The following KIF9 variants were observed in gnomAD, a reference collection of about 807,000 sequenced individuals.
KIF9 encodes kinesin-like protein KIF9.
In KIF9, 68 loss-of-function variants were observed where a neutral mutation model predicts 94.8. The ratio of observed to expected loss-of-function variants is 0.72; its 90% confidence interval spans 0.59 to 0.88. The LOEUF is 0.88. Among genes scored for constraint, KIF9 ranks in the 40% least tolerant of loss-of-function variants. The probability of loss-of-function intolerance (pLI) is 0.00; values close to 1 mark genes in which losing one functional copy is unlikely to be tolerated. For synonymous variants in KIF9, 343 were observed against 362.1 expected, an observed-to-expected ratio of 0.95 and a Z score of 0.60; for missense variants, 882 against 982.5, an observed-to-expected ratio of 0.90 and a Z score of 1.37.
At chr3:47,255,660 G>C (rs1700525548) in intron 10 of KIF9, among the ~76,000 whole-genome samples, 1 of 152,158 alleles carries the variant, frequency 6.6e-6, no homozygotes, top group East Asian at 1.9e-4. Flanking sequence ...GATTCTGCCA[G>C]TCTAGGGTAG....
intron 20 of KIF9, among the ~76,000 whole-genome samples, chr3:47,234,034 G>C (rs2107037465): frequency 1.3e-5 from 2 of 151,990 alleles, no homozygotes; most frequent in Middle Eastern, 3.4e-3. Flanking sequence ...AGTGAGGTGA[G>C]GACACGCCAT....
chr3:47,253,618 T>C (rs1428676180), intron 10 of KIF9, among the ~76,000 whole-genome samples: 1 of 152,096 alleles, frequency 6.6e-6, no homozygotes, highest in Non-Finnish European at 1.5e-5. Flanking sequence ...CACACATATA[T>C]CCATCAATGA....
At chr3:47,246,307 G>A in intron 12 of KIF9, 55 bp from the exon 13 acceptor site, 1 of 1,476,020 alleles carries the variant, frequency 6.8e-7, no homozygotes, top group Non-Finnish European at 9.4e-7. Flanking sequence ...GAGGGACCAG[G>A]GGGCATCTAT....
chr3:47,263,517 G>T, intron 9 of KIF9: 1 of 197,934 alleles, frequency 5.1e-6, no homozygotes, highest in Non-Finnish European at 1.0e-5. Context: ...TCTTCTTCTT[G>T]CTGAGAGCCC....
intron 9 of KIF9, among the ~76,000 whole-genome samples, chr3:47,259,712 A>G (rs1234619885): frequency 6.7e-6 from 1 of 148,896 alleles, no homozygotes; most frequent in African/African-American, 2.5e-5. Context: ...ACTCAGAGTT[A>G]AATGGATTAA....
At chr3:47,269,638 A>G (rs1004096322) in intron 5 of KIF9, among the ~76,000 whole-genome samples, 44 of 151,836 alleles carry the variant, frequency 2.9e-4, no homozygotes, top group African/African-American at 1.0e-3. Context: ...GTCTTACTCT[A>G]TTGCCCAGGC....
At chr3:47,249,449 C>T (rs1700132926) in intron 10 of KIF9, among the ~76,000 whole-genome samples, 1 of 152,066 alleles carries the variant, frequency 6.6e-6, no homozygotes, top group Non-Finnish European at 1.5e-5. Flanking sequence ...CCTGGCCTCA[C>T]CTCTAATTTT....
At chr3:47,282,249 T>A (rs1012140364) in intron 1 of KIF9, 26 of 985,556 alleles carry the variant, frequency 2.6e-5, no homozygotes, top group Non-Finnish European at 3.0e-5. Context: ...ACGGCCTCTA[T>A]GTCCTGGACG....
intron 5 of KIF9, among the ~76,000 whole-genome samples, chr3:47,268,249 T>C (rs1323497375): frequency 6.6e-6 from 1 of 152,214 alleles, no homozygotes; most frequent in Non-Finnish European, 1.5e-5. Flanking sequence ...AGAATATACT[T>C]AAAAAGGAAT....
intron 20 of KIF9, among the ~76,000 whole-genome samples, chr3:47,234,192 G>A (rs1698835602): frequency 6.6e-6 from 1 of 151,936 alleles, no homozygotes; most frequent in South Asian, 2.1e-4. Flanking sequence ...TGACAGGGGT[G>A]CCCTATCAGA....
At chr3:47,236,297 T>A in intron 18 of KIF9, 146 bp downstream of exon 18, 2 of 1,044,338 alleles carry the variant, frequency 1.9e-6, no homozygotes, top group South Asian at 3.0e-5. Flanking sequence ...GCCCTCACAG[T>A]CCTGGGAACC....
intron 10 of KIF9, among the ~76,000 whole-genome samples, chr3:47,255,059 G>T (rs1033511212): frequency 6.6e-6 from 1 of 152,190 alleles, no homozygotes; most frequent in African/African-American, 2.4e-5. Flanking sequence ...TCAGGATTTA[G>T]AATCTGAAAA....
Position 47,282,525 on chromosome 3 carries a change from C to A in KIF9, c.-36G>T. 4 of 997,854 alleles carry A rather than the reference C, an allele frequency of 4.0e-6. No individual in the cohort carries two copies. Among genetic ancestry groups the A allele is most frequent in the Non-Finnish European group, 4.8e-6 (4 of 836,888 alleles). 61.8% of individuals were successfully genotyped at this position (997,854 alleles called of 1,614,324 possible). ...ACCAGGCAGCGACGCTCCCGGGACG[C>A]GACTGCCGCAACCGAAACCACCTGC... is the stretch of plus-strand genomic sequence containing the variant. On this transcript the variant is annotated 5_prime_UTR_variant, in exon 1 of 21. Coordinates refer to ENST00000684063, the MANE Select transcript of KIF9 (RefSeq NM_182902.4).
intron 17 of KIF9, among the ~76,000 whole-genome samples, chr3:47,238,926 G>A (rs1403286225): frequency 6.6e-6 from 1 of 152,224 alleles, no homozygotes; most frequent in Non-Finnish European, 1.5e-5. Context: ...GCCTCCCAAA[G>A]TGCTGGGATT....
At position 47,236,507 on chromosome 3, in the gene KIF9, G is replaced by A. The variant is rs948399313; in HGVS notation, c.2037C>T (p.Asp679=). ...GGCAATACTGGATCTCAGCCCTGAG[G>A]TCACGCAGGTCCTGGTACTCGCTGC... is the stretch of plus-strand genomic sequence containing the variant. ...QYRSEYQDLR[D]LRAEIQYCQH... The change falls in exon 18 of 21, where the codon GAC becomes GAT. Residue 679 remains aspartate, a synonymous_variant. Coordinates refer to ENST00000684063, the MANE Select transcript of KIF9 (RefSeq NM_182902.4). The A allele has an allele frequency of 1.2e-6, 2 of 1,613,996 alleles. No individual in the cohort carries two copies. Among genetic ancestry groups the A allele is most frequent in the Non-Finnish European group, 1.7e-6 (2 of 1,180,008 alleles).
rs749587968 is a variant in KIF9, at chr3:47,275,386, C to T, written c.198G>A (p.Gln66=). 6.8e-6 allele frequency: 11 copies of T among 1,613,958 alleles called. No homozygotes were observed. Among genetic ancestry groups the T allele is most frequent in the Middle Eastern group, 1.6e-4 (1 of 6,082 alleles). ...TTGCAACTGTCTCATAAACCAAGTC[C>T]TGGGAGGCATCGTGAAGAACTCCAT... ...KLDGVLHDAS[Q]DLVYETVAKD... Residue 66 remains glutamine, a synonymous_variant, in exon 3 of 21, where the codon CAG becomes CAA. Coordinates refer to ENST00000684063, the MANE Select transcript of KIF9 (RefSeq NM_182902.4).
intron 10 of KIF9, among the ~76,000 whole-genome samples, chr3:47,256,857 T>C (rs2107345911): frequency 6.6e-6 from 1 of 152,292 alleles, no homozygotes; most frequent in South Asian, 2.1e-4. Flanking sequence ...AACCCTGTGC[T>C]CTCTGAAACA....
intron 1 of KIF9, among the ~76,000 whole-genome samples, chr3:47,281,590 C>T (rs140767362): frequency 1.2e-3 from 185 of 152,258 alleles, no homozygotes; most frequent in African/African-American, 4.2e-3. Flanking sequence ...TCAAGCAATC[C>T]GCTCACCTCA....
intron 3 of KIF9, 54 bp downstream of exon 3, chr3:47,275,271 C>A (rs550494186): frequency 8.0e-7 from 1 of 1,256,516 alleles, no homozygotes; most frequent in Non-Finnish European, 1.1e-6. Flanking sequence ...AAAATATTTG[C>A]ATCTCTTACT....
Sources: allele counts gnomAD v4.1 joint callset (sites outside exome capture counted in the v4.1 genomes callset), GRCh38; gene constraint gnomAD v4.1.1; transcripts MANE v1.5; gene names NCBI Gene and HGNC (gene_info 2026-07-23, HGNC 2026-07-21).